The following CDK14 variants were observed in gnomAD, a reference collection of about 807,000 sequenced individuals.
CDK14 encodes the protein cyclin dependent kinase 14.
CDK14 carries 34 observed loss-of-function variants against 60.7 expected under a neutral mutation model. That is an observed-to-expected ratio of 0.56 (90% CI 0.43 to 0.75). The LOEUF is 0.75. Ranked by LOEUF, CDK14 falls within the 30% of genes least tolerant of loss-of-function variation. The pLI is 0.00. For synonymous variants in CDK14, 197 were observed against 203.7 expected (o/e 0.97, Z 0.28); for missense variants, 482 against 564.1 (o/e 0.85, Z 1.47).
chr7:90,884,659 G>A (rs998242481), intron 6 of CDK14, among the ~76,000 whole-genome samples: 11 of 152,124 alleles, frequency 7.2e-5, no homozygotes, highest in Non-Finnish European at 1.5e-4. Flanking sequence ...AAAGCTGGAG[G>A]CATCACGCTA....
At chr7:90,806,667 G>T (rs1181968441) in intron 5 of CDK14, among the ~76,000 whole-genome samples, 1 of 152,186 alleles carries the variant, frequency 6.6e-6, no homozygotes, top group Non-Finnish European at 1.5e-5. Context: ...ATCAGGGCGA[G>T]GCATCGCCTC....
intron 2 of CDK14, among the ~76,000 whole-genome samples, chr7:90,664,589 C>G (rs1463137974): frequency 6.6e-6 from 1 of 152,076 alleles, no homozygotes; most frequent in Non-Finnish European, 1.5e-5. Context: ...CACATATACA[C>G]CATGGAATAC....
At chr7:90,893,423 G>C (rs763593622) in intron 6 of CDK14, among the ~76,000 whole-genome samples, 1 of 152,188 alleles carries the variant, frequency 6.6e-6, no homozygotes, top group Non-Finnish European at 1.5e-5. Flanking sequence ...GAAATAGCCA[G>C]AGATCAAGCC....
chr7:90,879,943 T>G (rs966426924), intron 6 of CDK14, among the ~76,000 whole-genome samples: 1 of 152,082 alleles, frequency 6.6e-6, no homozygotes, highest in African/African-American at 2.4e-5. Flanking sequence ...CTGTGCTTTT[T>G]CCACAGAACT....
Position 90,596,868 on chromosome 7 carries a change from G to C in CDK14, c.91+150G>C, listed in dbSNP as rs368978400. On this transcript the variant is annotated intron_variant, in intron 1 of 14. Transcript: ENST00000380050. ...ATCGAGGGCACAGTGCTAGGGACCC[G>C]GGGGAGGGCAAGGACGTAAAGGAAA... The C allele has an allele frequency of 4.7e-6, 3 of 644,150 alleles. No homozygotes were observed. The East Asian group carries it at 8.3e-5, about 18-fold the overall frequency. The allele number at this position is 644,150 out of a possible 1,614,324, so 39.9% of individuals were successfully genotyped here. A position where few individuals can be genotyped will look rare whatever the true frequency, so the allele number is the denominator to read the frequency against.
At chr7:91,107,185 A>G (rs572185681) in intron 12 of CDK14, among the ~76,000 whole-genome samples, 1 of 152,334 alleles carries the variant, frequency 6.6e-6, no homozygotes, top group Non-Finnish European at 1.5e-5. Flanking sequence ...TTTCAAGTGT[A>G]GTATAAAGTG....
intron 5 of CDK14, among the ~76,000 whole-genome samples, chr7:90,804,936 A>C (rs1788765878): frequency 6.6e-6 from 1 of 152,028 alleles, no homozygotes; most frequent in Non-Finnish European, 1.5e-5. Context: ...TCTTTAAAAA[A>C]CGCTATCTTG....
chr7:90,617,597 C>G (rs1164169862), intron 2 of CDK14, among the ~76,000 whole-genome samples: 1 of 152,102 alleles, frequency 6.6e-6, no homozygotes, highest in African/African-American at 2.4e-5. Flanking sequence ...CATTATGTTA[C>G]TAAATAATGT....
chr7:91,176,052 C>T (rs879538159), intron 14 of CDK14, among the ~76,000 whole-genome samples: 21 of 151,370 alleles, frequency 1.4e-4, no homozygotes, highest in Non-Finnish European at 2.8e-4. Flanking sequence ...TGACCACATA[C>T]TTGGAAGTAA....
At chr7:90,682,955 C>G (rs1801351210) in intron 2 of CDK14, among the ~76,000 whole-genome samples, 1 of 152,188 alleles carries the variant, frequency 6.6e-6, no homozygotes, top group African/African-American at 2.4e-5. Context: ...CACATGGCGT[C>G]CATCTGCTTC....
intron 14 of CDK14, among the ~76,000 whole-genome samples, chr7:91,167,417 A>C (rs1801379185): frequency 6.6e-6 from 1 of 152,240 alleles, no homozygotes; most frequent in African/African-American, 2.4e-5. Flanking sequence ...TGTCAACATG[A>C]GGCCATAAGG....
At chr7:91,178,685 C>T (rs1423956069) in intron 14 of CDK14, among the ~76,000 whole-genome samples, 1 of 151,932 alleles carries the variant, frequency 6.6e-6, no homozygotes, top group Non-Finnish European at 1.5e-5. Context: ...GACATTTATG[C>T]AGCCAAAAAA....
At position 90,705,406 on chromosome 7, in the gene CDK14, G is replaced by C. The variant is rs141211012; in HGVS notation, c.124-21161G>C. 6.8e-3 allele frequency among the ~76,000 whole-genome samples: 1,026 copies of C among 151,964 alleles called. 10 individuals are homozygous for C. Among genetic ancestry groups the C allele is most frequent in the African/African-American group, 0.023 (935 of 41,446 alleles). ...TCCCTTTCTTCAGTTCTTTTTTCCA[G>C]GTTTTAAAAAATTGTTTGGCCCCAC... On this transcript the variant is annotated intron_variant, in intron 2 of 14. Coordinates refer to ENST00000380050, the MANE Select transcript of CDK14 (RefSeq NM_001287135.2).
chr7:90,757,209 A>AGTGTGTGTGTGTGT lies in CDK14; in HGVS notation c.464+9463_464+9476dup, dbSNP rs56790315. Among the ~76,000 whole-genome samples, 820 of 120,090 alleles carry AGTGTGTGTGTGTGT rather than the reference A, an allele frequency of 6.8e-3. 3 individuals are homozygous for AGTGTGTGTGTGTGT. Among genetic ancestry groups the AGTGTGTGTGTGTGT allele is most frequent in the Non-Finnish European group, 0.011 (620 of 56,972 alleles). The allele number at this position is 120,090 out of a possible 152,430, so 78.8% of individuals were successfully genotyped here. On this transcript the variant is annotated intron_variant, in intron 4 of 14. Coordinates refer to ENST00000380050, the MANE Select transcript of CDK14 (RefSeq NM_001287135.2). ...TGCCTTCTCCACATGGCATTCTTCC[A>AGTGTGTGTGTGTGT]GTGTGTGTGTGTGTGTGTGTGTGTG...
intron 14 of CDK14, among the ~76,000 whole-genome samples, chr7:91,138,673 A>G (rs1456579519): frequency 1.3e-5 from 2 of 152,138 alleles, no homozygotes; most frequent in African/African-American, 4.8e-5. Context: ...ATTTTGTAGC[A>G]TGAATAGATT....
chr7:90,786,766 T>TTA (rs397732562), intron 4 of CDK14, among the ~76,000 whole-genome samples: 2 of 150,854 alleles, frequency 1.3e-5, no homozygotes, highest in South Asian at 2.1e-4. Flanking sequence ...TTTTTTTTTT[T>TTA]AAATTAGCCT....
At chr7:91,060,086 T>C (rs1322660608) in intron 11 of CDK14, among the ~76,000 whole-genome samples, 1 of 152,232 alleles carries the variant, frequency 6.6e-6, no homozygotes, top group Non-Finnish European at 1.5e-5. Flanking sequence ...ATCTGGGTGC[T>C]CCTTATTGGG....
At chr7:90,640,256 A>C (rs1046064410) in intron 2 of CDK14, among the ~76,000 whole-genome samples, 1 of 152,092 alleles carries the variant, frequency 6.6e-6, no homozygotes, top group African/African-American at 2.4e-5. Context: ...CTATTCGGCC[A>C]TCTTGGCTCC....
intron 13 of CDK14, among the ~76,000 whole-genome samples, 172 bp downstream of exon 13, chr7:91,112,853 G>GGA (rs56973703): frequency 4.9e-3 from 725 of 148,474 alleles, no homozygotes; most frequent in African/African-American, 7.3e-3. Context: ...GTGTATGTGT[G>GGA]GAGAGAGAGA....
Sources: allele counts gnomAD v4.1 joint callset (sites outside exome capture counted in the v4.1 genomes callset), GRCh38; gene constraint gnomAD v4.1.1; transcripts MANE v1.5; gene names NCBI Gene and HGNC (gene_info 2026-07-23, HGNC 2026-07-21).